The following PDIA6 variants were observed in gnomAD, a reference collection of about 807,000 sequenced individuals.
The protein encoded by PDIA6 is protein disulfide-isomerase A6.
A neutral mutation model predicts 58.4 loss-of-function variants in PDIA6; 29 were observed. The observed-to-expected ratio is 0.50, with a 90% CI of 0.37 to 0.68. The LOEUF (loss-of-function observed/expected upper bound fraction) is 0.68, where lower values mean the gene tolerates loss of function less well. Ranked by LOEUF, PDIA6 falls within the 30% of genes least tolerant of loss-of-function variation. PDIA6 has a pLI of 0.00. For synonymous variants in PDIA6, 192 were observed against 202.6 expected, an observed-to-expected ratio of 0.95 and a Z score of 0.44; for missense variants, 480 against 551.0, an observed-to-expected ratio of 0.87 and a Z score of 1.29.
chr2:10,812,213 C>T (rs1361032389), intron 1 of PDIA6, among the ~76,000 whole-genome samples: 1 of 152,008 alleles, frequency 6.6e-6, no homozygotes, highest in Non-Finnish European at 1.5e-5. Flanking sequence ...CCCGGCTTAA[C>T]ATTTCAGTTT....
chr2:10,832,836 A>G (rs1572713745), upstream of PDIA6, among the ~76,000 whole-genome samples: 2 of 152,090 alleles, frequency 1.3e-5, no homozygotes. Flanking sequence ...GAACAGGGTA[A>G]GGAGGCGGTG....
rs1665637763 is a variant in PDIA6, at chr2:10,784,946, G to GCCGTC, written c.1237_1241dup (p.Arg415ThrfsTer23). ...CCCGGGCACTCACCTCGCCATCCCT[G>GCCGTC]CCGTCCCAAGGCTCTCTCTCAACGA... On this transcript the variant is annotated frameshift_variant, in exon 12 of 13. Transcript: ENST00000272227. LOFTEE classifies it high-confidence loss of function. The GCCGTC allele has an allele frequency of 6.3e-7, 1 of 1,584,756 alleles. No homozygotes were observed. Among genetic ancestry groups the GCCGTC allele is most frequent in the South Asian group, 1.2e-5 (1 of 86,878 alleles).
intron 1 of PDIA6, among the ~76,000 whole-genome samples, chr2:10,809,190 T>G (rs1302451054): frequency 6.6e-6 from 1 of 152,240 alleles, no homozygotes; most frequent in East Asian, 1.9e-4. Flanking sequence ...CACCTGTTTC[T>G]TTTGGCCATT....
intron 2 of PDIA6, 103 bp downstream of exon 2, chr2:10,802,396 C>T (rs983199602): frequency 7.5e-6 from 5 of 670,658 alleles, no homozygotes; most frequent in Non-Finnish European, 1.1e-5. Flanking sequence ...TAAACAAACA[C>T]TAAGCTAAAC....
chr2:10,790,325 G>C (rs1665977240), intron 7 of PDIA6, among the ~76,000 whole-genome samples: 1 of 152,124 alleles, frequency 6.6e-6, no homozygotes, highest in Admixed American at 6.5e-5. Flanking sequence ...GATTTCAAAG[G>C]AATGACTCAC....
In PDIA6 at chr2:10,790,572, G is replaced by C. The variant is rs1665988076; in HGVS notation, c.699+147C>G. The C allele has an allele frequency of 2.1e-5, 13 of 617,982 alleles. No individual in the cohort carries two copies. The South Asian group carries it at 2.6e-4, about 12-fold the overall frequency. The allele number at this position is 617,982 out of a possible 1,614,324, so 38.3% of individuals were successfully genotyped here. The stretch of plus-strand genomic sequence containing the variant: ...ACAGTCCTGAGTTTCAGACTTGTTA[G>C]TTATGACAATAAAGTGACTTTATCT... On this transcript the variant is annotated intron_variant, in intron 7 of 12. Transcript: ENST00000272227.
chr2:10,784,937 G>C lies in PDIA6; in HGVS notation c.1251C>G (p.Gly417=), dbSNP rs774257550. Residue 417 remains glycine (G), a synonymous_variant, in exon 12 of 13, where the codon GGC becomes GGG. Transcript: ENST00000272227. ...AGCTTCCCTCCCGGGCACTCACCTC[G>C]CCATCCCTGCCGTCCCAAGGCTCTC... ...VEREPWDGRD[G]ELPVEDDIDL... 6.3e-7 allele frequency: 1 copy of C among 1,578,306 alleles called. No individual in the cohort carries two copies. The highest frequency in any genetic ancestry group is 8.6e-7 in the Non-Finnish European group (1 of 1,159,688).
At chr2:10,822,323 C>T (rs112656661) in intron 1 of PDIA6, among the ~76,000 whole-genome samples, 2,644 of 151,860 alleles carry the variant, frequency 0.017, 89 homozygotes, top group African/African-American at 0.061. Context: ...AGTGCAGTGG[C>T]GCGATCTAGG....
chr2:10,793,227 T>G (rs987471152), intron 4 of PDIA6, 25 bp from the exon 5 acceptor site: 4 of 1,485,662 alleles, frequency 2.7e-6, no homozygotes, highest in Non-Finnish European at 3.7e-6. Flanking sequence ...AGGTAGGCGG[T>G]CCTCAGCCCG....
chr2:10,798,872 T>C (rs1666384106), intron 2 of PDIA6, among the ~76,000 whole-genome samples: 1 of 152,232 alleles, frequency 6.6e-6, no homozygotes, highest in Non-Finnish European at 1.5e-5. Flanking sequence ...AGATCAACTA[T>C]GCCTATATCT....
At chr2:10,835,988 TTGTAG>T (rs1171979803), upstream of PDIA6, among the ~76,000 whole-genome samples, 1 of 151,828 alleles carries the variant, frequency 6.6e-6, no homozygotes, top group Non-Finnish European at 1.5e-5. Context: ...GAAGCAGAGT[TTGTAG>T]TGAGCCAAGA....
chr2:10,789,497 G>A (rs1026098357), intron 8 of PDIA6, among the ~76,000 whole-genome samples: 5 of 152,188 alleles, frequency 3.3e-5, no homozygotes, highest in African/African-American at 1.2e-4. Context: ...CTATTACTTT[G>A]AGAATGATAA....
At chr2:10,807,053 A>G (rs1666796214) in intron 1 of PDIA6, among the ~76,000 whole-genome samples, 1 of 152,040 alleles carries the variant, frequency 6.6e-6, no homozygotes. Context: ...ATCATAATTC[A>G]GATCACGTCT....
At chr2:10,813,874 G>A (rs1299921493), upstream of PDIA6, among the ~76,000 whole-genome samples, 1 of 151,804 alleles carries the variant, frequency 6.6e-6, no homozygotes, top group Non-Finnish European at 1.5e-5. Context: ...ACAGGTGCAT[G>A]TCACCACGCC....
Position 10,784,315 on chromosome 2 carries a change from C to A in PDIA6, c.1266G>T (p.Glu422Asp). 6.2e-7 allele frequency: 1 copy of A among 1,613,054 alleles called. No individual in the cohort carries two copies. The highest frequency in any genetic ancestry group is 8.5e-7 in the Non-Finnish European group (1 of 1,179,710). ...WDGRDGELPV[E>D]DDIDLSDVEL... ...CCACATCACTGAGGTCAATGTCATC[C>A]TCCACGGGAAGCTGGGAGACGACAG... Residue 422 changes from glutamate (E) to aspartate (D), a missense_variant, in exon 13 of 13, where the codon GAG becomes GAT. Coordinates refer to ENST00000272227, the MANE Select transcript of PDIA6 (RefSeq NM_005742.4).
intron 6 of PDIA6, among the ~76,000 whole-genome samples, 161 bp from the exon 7 acceptor site, chr2:10,790,994 G>A (rs987633332): frequency 6.6e-6 from 1 of 151,934 alleles, no homozygotes; most frequent in African/African-American, 2.4e-5. Flanking sequence ...CTACAGGTGT[G>A]TGCCACCACC....
chr2:10,809,985 ATG>A (rs1558454810), intron 1 of PDIA6, among the ~76,000 whole-genome samples: 255 of 151,412 alleles, frequency 1.7e-3, no homozygotes, highest in African/African-American at 6.0e-3. Context: ...TCAAACTAGT[ATG>A]ACTGTTTCAA....
intron 2 of PDIA6, among the ~76,000 whole-genome samples, chr2:10,798,838 T>C (rs543432948): frequency 5.3e-5 from 8 of 152,214 alleles, no homozygotes; most frequent in Non-Finnish European, 1.0e-4. Context: ...AACTTTTTAA[T>C]TTTATATATG....
upstream of PDIA6, among the ~76,000 whole-genome samples, chr2:10,817,075 C>T (rs554440403): frequency 1.2e-4 from 19 of 152,312 alleles, no homozygotes; most frequent in East Asian, 1.9e-4. Flanking sequence ...TCTTTGCCGA[C>T]GCACACACAC....
Sources: gnomAD v4.1 joint callset for allele counts (sites outside exome capture counted in the v4.1 genomes callset) on GRCh38, gnomAD v4.1.1 for gene constraint, MANE v1.5 for transcripts, NCBI Gene and HGNC (gene_info 2026-07-23, HGNC 2026-07-21) for gene names.